C10orf90: variants seen among roughly 807,000 people sequenced by gnomAD.
C10orf90 encodes the protein (E2-independent) E3 ubiquitin-conjugating enzyme FATS.
A neutral mutation model predicts 62.5 loss-of-function variants in C10orf90; 56 were observed. That is an observed-to-expected ratio of 0.90 (90% CI 0.72 to 1.12). The LOEUF (loss-of-function observed/expected upper bound fraction) is 1.12. Ranked by LOEUF, C10orf90 falls within the 50% of genes most tolerant of loss-of-function variation. The pLI is 0.00. For synonymous variants in C10orf90, 386 were observed against 340.4 expected, an observed-to-expected ratio of 1.13 and a Z score of -1.47; for missense variants, 970 against 880.4, an observed-to-expected ratio of 1.10 and a Z score of -1.29.
chr10:126,668,324 T>C (rs1451010465), intron 1 of C10orf90, among the ~76,000 whole-genome samples: 2 of 152,174 alleles, frequency 1.3e-5, no homozygotes, highest in Admixed American at 1.3e-4. Flanking sequence ...GAGTACTTTG[T>C]GGTCAAAGCC....
In C10orf90 at chr10:126,670,600, A is replaced by T. The variant is rs1490861104; in HGVS notation, c.-120T>A. On this transcript the variant is annotated 5_prime_UTR_variant, in exon 1 of 10. Transcript: ENST00000488181. ...CAGTGCCCCAGCTCGGACCTGTCCC[A>T]GTGTTTTCCAACTCCAGAGCTAGTT... The T allele has an allele frequency of 5.5e-6, 2 of 364,038 alleles. No individual in the cohort carries two copies. The highest frequency in any genetic ancestry group is 4.5e-5 in the African/African-American group (2 of 44,686). 22.6% of individuals were successfully genotyped at this position (364,038 alleles called of 1,614,324 possible).
At chr10:126,478,475 G>A (rs1861009211) in intron 4 of C10orf90, among the ~76,000 whole-genome samples, 1 of 152,240 alleles carries the variant, frequency 6.6e-6, no homozygotes, top group South Asian at 2.1e-4. Context: ...TTAAACAGGG[G>A]ATCTGTAAGT....
At chr10:126,459,837 G>T (rs1483896692) in intron 6 of C10orf90, among the ~76,000 whole-genome samples, 1 of 152,122 alleles carries the variant, frequency 6.6e-6, no homozygotes, top group East Asian at 1.9e-4. Context: ...CCACCTCCAT[G>T]CACTAAGCCA....
intron 2 of C10orf90, among the ~76,000 whole-genome samples, chr10:126,514,779 C>A (rs1304606164): frequency 6.6e-6 from 1 of 152,084 alleles, no homozygotes; most frequent in East Asian, 1.9e-4. Flanking sequence ...CGCCCTGCGC[C>A]CCCCTCTCCA....
chr10:126,498,052 G>T (rs1167778296), intron 4 of C10orf90, among the ~76,000 whole-genome samples: 3 of 152,218 alleles, frequency 2.0e-5, no homozygotes, highest in Non-Finnish European at 4.4e-5. Flanking sequence ...ACCATCGTAA[G>T]ATTGTTTACC....
At chr10:126,667,729 C>T (rs888170801) in intron 1 of C10orf90, among the ~76,000 whole-genome samples, 4 of 152,202 alleles carry the variant, frequency 2.6e-5, no homozygotes, top group Admixed American at 2.6e-4. Context: ...CCCTGCTTGC[C>T]ATGCGGACAG....
intron 2 of C10orf90, among the ~76,000 whole-genome samples, chr10:126,567,623 C>T (rs958934078): frequency 6.6e-6 from 1 of 152,100 alleles, no homozygotes; most frequent in African/African-American, 2.4e-5. Flanking sequence ...TGGAAGGTGA[C>T]CTGGAGGAGA....
intron 4 of C10orf90, among the ~76,000 whole-genome samples, chr10:126,471,705 C>T (rs535714133): frequency 2.0e-5 from 3 of 152,170 alleles, no homozygotes; most frequent in South Asian, 4.2e-4. Context: ...TCTCATTTGA[C>T]GTAAAGACTC....
At chr10:126,593,945 C>G (rs1845032005) in intron 2 of C10orf90, among the ~76,000 whole-genome samples, 1 of 151,820 alleles carries the variant, frequency 6.6e-6, no homozygotes, top group Non-Finnish European at 1.5e-5. Flanking sequence ...AAGATGGCCA[C>G]ATGGTAAAGG....
chr10:126,477,051 A>G (rs1247146394), intron 4 of C10orf90, among the ~76,000 whole-genome samples: 3 of 130,962 alleles, frequency 2.3e-5, no homozygotes, highest in Admixed American at 8.4e-5. Flanking sequence ...CTGGGACTAC[A>G]GGTGCCCAAC....
chr10:126,557,798 C>A (rs986743233), intron 2 of C10orf90, among the ~76,000 whole-genome samples: 5 of 152,084 alleles, frequency 3.3e-5, no homozygotes, highest in African/African-American at 9.7e-5. Context: ...TCTTTCTGCT[C>A]CTTTTTGTTT....
At chr10:126,554,272 G>A (rs1864708253) in intron 2 of C10orf90, among the ~76,000 whole-genome samples, 1 of 152,116 alleles carries the variant, frequency 6.6e-6, no homozygotes, top group Non-Finnish European at 1.5e-5. Context: ...CCAGACCCCA[G>A]AGCATATATT....
chr10:126,543,627 G>A (rs927692053), intron 2 of C10orf90, among the ~76,000 whole-genome samples: 2 of 152,160 alleles, frequency 1.3e-5, no homozygotes, highest in African/African-American at 4.8e-5. Context: ...AATGGCTCAT[G>A]GTGGAGACAA....
At chr10:126,501,559 T>G (rs1361561809) in intron 4 of C10orf90, among the ~76,000 whole-genome samples, 1 of 152,156 alleles carries the variant, frequency 6.6e-6, no homozygotes, top group Non-Finnish European at 1.5e-5. Context: ...TGAAATTTTT[T>G]AAGCTTGATG....
chr10:126,502,847 C>A (rs1202069591), intron 4 of C10orf90: 1 of 522,150 alleles, frequency 1.9e-6, no homozygotes, highest in Non-Finnish European at 3.9e-6. Context: ...GTAAGACATG[C>A]ATTTCAATGG....
intron 4 of C10orf90, among the ~76,000 whole-genome samples, chr10:126,498,877 G>A (rs913308013): frequency 1.1e-4 from 17 of 152,152 alleles, no homozygotes; most frequent in South Asian, 2.1e-4. Flanking sequence ...TTCTCCCTCT[G>A]CCCAGTCCTG....
intron 2 of C10orf90, among the ~76,000 whole-genome samples, chr10:126,547,852 GA>G (rs1325774763): frequency 6.6e-6 from 1 of 151,784 alleles, no homozygotes; most frequent in African/African-American, 2.4e-5. Flanking sequence ...AAAATAGCCT[GA>G]AAAAAAATTG....
intron 1 of C10orf90, among the ~76,000 whole-genome samples, chr10:126,650,327 T>G (rs1220752093): frequency 6.6e-6 from 1 of 152,140 alleles, no homozygotes; most frequent in East Asian, 1.9e-4. Context: ...AGCCACACAA[T>G]GGGAAAAAAG....
At chr10:126,487,142 CAAAAAAAAAAAAAAAAAAAAA>C (rs1158481155) in intron 4 of C10orf90, among the ~76,000 whole-genome samples, 4 of 29,456 alleles carry the variant, frequency 1.4e-4, no homozygotes, top group African/African-American at 5.5e-4. Context: ...AAAACTCTGT[CAAAAAAAAAAAAAAAAAAAAA>C]AAAAAGAAAG....
Sources: gnomAD v4.1 joint callset for allele counts (sites outside exome capture counted in the v4.1 genomes callset) on GRCh38, gnomAD v4.1.1 for gene constraint, MANE v1.5 for transcripts, NCBI Gene and HGNC (gene_info 2026-07-23, HGNC 2026-07-21) for gene names.